The following MARCHF10 variants were observed in gnomAD, a reference collection of about 807,000 sequenced individuals.
MARCHF10 encodes the protein membrane associated ring-CH-type finger 10.
In MARCHF10, 64 loss-of-function variants were observed where a neutral mutation model predicts 76.2. The ratio of observed to expected loss-of-function variants is 0.84; its 90% CI spans 0.69 to 1.03. MARCHF10 has a LOEUF of 1.03. MARCHF10 is among the 50% of genes least tolerant of loss of function. The probability of loss-of-function intolerance (pLI) is 0.00; values close to 1 mark genes in which losing one functional copy is unlikely to be tolerated. For missense variants in MARCHF10, 875 were observed against 958.0 expected, an observed-to-expected ratio of 0.91 and a Z score of 1.14; for synonymous variants, 340 against 357.5, an observed-to-expected ratio of 0.95 and a Z score of 0.55.
chr17:62,750,781 G>C (rs1423684735), intron 4 of MARCHF10, among the ~76,000 whole-genome samples: 1 of 152,170 alleles, frequency 6.6e-6, no homozygotes, highest in Non-Finnish European at 1.5e-5. Flanking sequence ...ACAGATGTCG[G>C]GAAGTTCTTT....
chr17:62,746,845 A>T, intron 4 of MARCHF10: 2 of 1,499,556 alleles, frequency 1.3e-6, no homozygotes, highest in East Asian at 2.5e-5. Flanking sequence ...GAGGCCACTG[A>T]GCCCCGCCAC....
chr17:62,742,682 CTTCCTTTCTTT>C (rs927255450), intron 5 of MARCHF10, among the ~76,000 whole-genome samples: 3 of 134,170 alleles, frequency 2.2e-5, no homozygotes, highest in African/African-American at 7.7e-5. Flanking sequence ...TCCTTCCTTC[CTTCCTTTCTTT>C]TTTCTTTTTT....
intron 6 of MARCHF10, among the ~76,000 whole-genome samples, chr17:62,726,715 C>G (rs2090773152): frequency 6.6e-6 from 1 of 152,176 alleles, no homozygotes; most frequent in South Asian, 2.1e-4. Context: ...TCTCTGCAAC[C>G]TCTGCCGGAT....
intron 3 of MARCHF10, among the ~76,000 whole-genome samples, chr17:62,768,645 C>CA (rs1190628362): frequency 6.6e-6 from 1 of 152,186 alleles, no homozygotes; most frequent in Non-Finnish European, 1.5e-5. Flanking sequence ...AAGAATAGTA[C>CA]AAATCACACC....
At chr17:62,717,169 G>A (rs988035775) in intron 8 of MARCHF10, among the ~76,000 whole-genome samples, 1 of 152,234 alleles carries the variant, frequency 6.6e-6, no homozygotes, top group Admixed American at 6.5e-5. Flanking sequence ...TGGGGCCTGG[G>A]GTTTCGCCCA....
chr17:62,702,077 G>A (rs1433534942), intron 10 of MARCHF10, among the ~76,000 whole-genome samples: 1 of 152,178 alleles, frequency 6.6e-6, no homozygotes, highest in Non-Finnish European at 1.5e-5. Context: ...CTTCCTCTCA[G>A]GGTAAGGCCC....
chr17:62,768,401 T>A (rs1308890048), intron 3 of MARCHF10, among the ~76,000 whole-genome samples: 1 of 152,158 alleles, frequency 6.6e-6, no homozygotes, highest in African/African-American at 2.4e-5. Flanking sequence ...GCACCTGTAG[T>A]CCCAGCTACT....
chr17:62,793,395 G>C (rs1407949207), intron 2 of MARCHF10, among the ~76,000 whole-genome samples: 84 of 44,958 alleles, frequency 1.9e-3, no homozygotes, highest in South Asian at 3.6e-3. Flanking sequence ...TTACCACCAC[G>C]ACCTCCATCA....
At chr17:62,753,029 T>A (rs2091941071) in intron 4 of MARCHF10, among the ~76,000 whole-genome samples, 1 of 152,174 alleles carries the variant, frequency 6.6e-6, no homozygotes, top group Admixed American at 6.5e-5. Context: ...GATCCTTGCC[T>A]ACCGGTGGGG....
At chr17:62,796,254 A>G (rs1391286572) in intron 2 of MARCHF10, among the ~76,000 whole-genome samples, 2 of 152,098 alleles carry the variant, frequency 1.3e-5, no homozygotes, top group Non-Finnish European at 2.9e-5. Flanking sequence ...TGCCTCCCCA[A>G]GTGCTGGGAT....
In MARCHF10 at chr17:62,711,711, G is replaced by C. The variant is rs745737736; in HGVS notation, c.2215-367C>G. Reference sequence around the variant, plus strand: ...CTGCTGGGAACCGATCACCTGGTGTGGGGGAGAGAGCTTCATCGGTAAACA... The same window carrying C: ...CTGCTGGGAACCGATCACCTGGTGTCGGGGAGAGAGCTTCATCGGTAAACA... On this transcript the variant is annotated intron_variant, in intron 8 of 10. Coordinates refer to ENST00000311269, the MANE Select transcript of MARCHF10 (RefSeq NM_152598.4). The surrounding 1 kb of genome is among the most constrained non-coding windows in gnomAD (Gnocchi z 4.4). 2.0e-5 allele frequency among the ~76,000 whole-genome samples: 3 copies of C among 152,204 alleles called. No homozygotes were observed. The highest frequency in any genetic ancestry group is 2.1e-4 in the South Asian group (1 of 4,826).
intron 3 of MARCHF10, among the ~76,000 whole-genome samples, chr17:62,783,590 G>GT (rs2092699435): frequency 6.6e-6 from 1 of 152,044 alleles, no homozygotes; most frequent in African/African-American, 2.4e-5. Flanking sequence ...TCCTGGAGCT[G>GT]TTTTTTTGAA....
At position 62,738,356 on chromosome 17, in the gene MARCHF10, T is replaced by C. The variant is rs2091376209; in HGVS notation, c.536-1024A>G. On this transcript the variant is annotated intron_variant, in intron 5 of 10. Coordinates refer to ENST00000311269, the MANE Select transcript of MARCHF10 (RefSeq NM_152598.4). The surrounding 1 kb of genome is among the most constrained non-coding windows in gnomAD (Gnocchi z 4.0). Reference sequence around the variant, plus strand: ...AGAATCCATTGAATTCATCGTGGTGTGTGTGTGCTGTTGAGGGTCTTTTAC... The same window carrying C: ...AGAATCCATTGAATTCATCGTGGTGCGTGTGTGCTGTTGAGGGTCTTTTAC... 6.6e-6 allele frequency among the ~76,000 whole-genome samples: 1 copy of C among 152,188 alleles called. No homozygotes were observed. Among genetic ancestry groups the C allele is most frequent in the Non-Finnish European group, 1.5e-5 (1 of 68,042 alleles).
chr17:62,713,604 C>T (rs1599055802), intron 8 of MARCHF10, among the ~76,000 whole-genome samples: 1 of 152,322 alleles, frequency 6.6e-6, no homozygotes, highest in Non-Finnish European at 1.5e-5. Context: ...TGATAGTCAA[C>T]TCCGAATCAG....
intron 2 of MARCHF10, among the ~76,000 whole-genome samples, chr17:62,798,197 G>C (rs1206151753): frequency 6.6e-6 from 1 of 152,022 alleles, no homozygotes; most frequent in Admixed American, 6.5e-5. Context: ...TTGTGAACTA[G>C]AAAAAAATTG....
chr17:62,744,863 A>G (rs1212076926), intron 4 of MARCHF10, among the ~76,000 whole-genome samples: 3 of 150,670 alleles, frequency 2.0e-5, no homozygotes, highest in African/African-American at 7.4e-5. Flanking sequence ...AAATACAAAA[A>G]TTAGCTGGGC....
rs559991061 is a variant in MARCHF10, at chr17:62,760,332, A to C, written c.211-326T>G. Among the ~76,000 whole-genome samples the C allele has an allele frequency of 1.3e-5, 2 of 152,366 alleles. 1 individual carries two copies. The highest frequency in any genetic ancestry group is 4.1e-4 in the South Asian group (2 of 4,832). On this transcript the variant is annotated intron_variant, in intron 3 of 10. Coordinates refer to ENST00000311269, the MANE Select transcript of MARCHF10 (RefSeq NM_152598.4). ...ACAGATAAATAGCGCATGTGCTTTT[A>C]AACTTCTTATTGTTTGTTATTTGAA...
rs1280456032 is a variant in MARCHF10, at chr17:62,788,386, G to C, written c.210+94C>G. 6 of 1,506,120 alleles carry C rather than the reference G, an allele frequency of 4.0e-6. No homozygotes were observed. The South Asian group carries it at 7.0e-5, about 18-fold the overall frequency. 93.3% of individuals were successfully genotyped at this position (1,506,120 alleles called of 1,614,324 possible). ...TGGGAATCTGCAACATCTCCTTTTT[G>C]AGTTGGCTTTTTCCTACATCACACA... On this transcript the variant is annotated intron_variant, in intron 3 of 10. Coordinates refer to ENST00000311269, the MANE Select transcript of MARCHF10 (RefSeq NM_152598.4).
At chr17:62,706,691 C>G (rs891387439) in intron 9 of MARCHF10, among the ~76,000 whole-genome samples, 1 of 152,122 alleles carries the variant, frequency 6.6e-6, no homozygotes, top group Non-Finnish European at 1.5e-5. Flanking sequence ...GGCTCCCTTC[C>G]CCTGCACCTA....
Sources: gnomAD v4.1 joint callset for allele counts (sites outside exome capture counted in the v4.1 genomes callset) on GRCh38, gnomAD v4.1.1 for gene constraint, Gnocchi (gnomAD v3.1) non-coding constraint, MANE v1.5 for transcripts, NCBI Gene and HGNC (gene_info 2026-07-23, HGNC 2026-07-21) for gene names.